Variants in TET1 observed in about 807,000 individuals in gnomAD.
TET1 encodes methylcytosine dioxygenase TET1.
A neutral mutation model predicts 148.7 loss-of-function variants in TET1; 13 were observed. The ratio of observed to expected loss-of-function variants is 0.09; its 90% CI spans 0.06 to 0.14. TET1 has a LOEUF of 0.14. Among genes scored for constraint, TET1 ranks in the 10% least tolerant of loss-of-function variants. The probability of loss-of-function intolerance (pLI) is 1.00; values close to 1 mark genes in which losing one functional copy is unlikely to be tolerated. For synonymous variants in TET1, 907 were observed against 937.2 expected (o/e 0.97, Z 0.59); for missense variants, 2,182 against 2,553.8 (o/e 0.85, Z 3.14).
At position 68,646,680 on chromosome 10, in the gene TET1, C is replaced by T. The variant is rs1268675985; in HGVS notation, c.3951C>T (p.Asp1317=). ...GTGCTAACGTGATGGCAGGCGATGA[C>T]CAAATACGGTTTCAGCAGGTTGTTA... The part of the protein sequence containing the change: ...NQCANVMAGD[D]QIRFQQVVKE... Residue 1317 remains aspartate (D), a synonymous_variant, in exon 4 of 12, where the codon GAC becomes GAT. Coordinates refer to ENST00000373644, the MANE Select transcript of TET1 (RefSeq NM_030625.3). 6.2e-7 allele frequency: 1 copy of T among 1,614,150 alleles called. No individual in the cohort carries two copies. The highest frequency in any genetic ancestry group is 1.7e-5 in the Admixed American group (1 of 60,014).
chr10:68,620,824 G>A (rs1263010315), intron 3 of TET1, among the ~76,000 whole-genome samples: 1 of 152,086 alleles, frequency 6.6e-6, no homozygotes, highest in Non-Finnish European at 1.5e-5. Flanking sequence ...CTACATCCTG[G>A]TCAACACTTA....
chr10:68,622,656 A>G (rs763446231), intron 3 of TET1, among the ~76,000 whole-genome samples: 2 of 151,666 alleles, frequency 1.3e-5, no homozygotes, highest in African/African-American at 2.4e-5. Context: ...TCCTCTTTCA[A>G]CATAGTTTCT....
At chr10:68,580,343 CAG>C (rs2053779603) in intron 2 of TET1, among the ~76,000 whole-genome samples, 1 of 73,540 alleles carries the variant, frequency 1.4e-5, no homozygotes, top group Non-Finnish European at 2.5e-5. Flanking sequence ...TTTTTTGAGA[CAG>C]AGTCTTGCTC....
chr10:68,601,135 C>T (rs1228663188), intron 3 of TET1, 101 bp downstream of exon 3: 1 of 1,025,478 alleles, frequency 9.8e-7, no homozygotes, highest in Non-Finnish European at 1.4e-6. Context: ...GTGAATTCTC[C>T]CAGATTTTCA....
At chr10:68,671,583 G>C (rs531310705) in intron 7 of TET1, among the ~76,000 whole-genome samples, 1 of 151,676 alleles carries the variant, frequency 6.6e-6, no homozygotes, top group East Asian at 1.9e-4. Flanking sequence ...GATTGGAAGA[G>C]CATACAGTTT....
chr10:68,563,568 G>T (rs1211961099), intron 1 of TET1, among the ~76,000 whole-genome samples: 1 of 152,202 alleles, frequency 6.6e-6, no homozygotes, highest in Non-Finnish European at 1.5e-5. Flanking sequence ...TAACATGCAG[G>T]CTGGATTGTT....
chr10:68,635,723 G>T (rs546066342), intron 3 of TET1, among the ~76,000 whole-genome samples: 2 of 152,320 alleles, frequency 1.3e-5, no homozygotes, highest in African/African-American at 2.4e-5. Flanking sequence ...GGGCAAGGTG[G>T]CATATGCCTG....
At chr10:68,625,641 T>C (rs1016320908) in intron 3 of TET1, among the ~76,000 whole-genome samples, 5 of 152,214 alleles carry the variant, frequency 3.3e-5, no homozygotes, top group Non-Finnish European at 7.3e-5. Flanking sequence ...CACTCAGCTG[T>C]GTTGGTCTTT....
rs763054027 is a variant in TET1 at position 68,672,991 on chromosome 10, T to C, written c.4770T>C (p.Phe1590=). The C allele has an allele frequency of 1.2e-6, 2 of 1,612,684 alleles. No individual in the cohort carries two copies. Among genetic ancestry groups the C allele is most frequent in the East Asian group, 4.5e-5 (2 of 44,824 alleles). ...SWSMYFNGCK[F]GRSPSPRRFR... is the part of the protein sequence containing the mutation. ...GTATGTACTTTAATGGCTGTAAGTT[T>C]GGTAGAAGCCCAAGCCCCAGAAGAT... is the stretch of plus-strand genomic sequence containing the variant. The change falls in exon 8 of 12, where the codon TTT becomes TTC. Residue 1590 remains phenylalanine, a synonymous_variant. Coordinates refer to ENST00000373644, the MANE Select transcript of TET1 (RefSeq NM_030625.3).
chr10:68,610,023 C>T (rs541811260), intron 3 of TET1, among the ~76,000 whole-genome samples: 1 of 152,176 alleles, frequency 6.6e-6, no homozygotes, highest in African/African-American at 2.4e-5. Flanking sequence ...GTGGCTCACC[C>T]TTATAATCAC....
chr10:68,586,485 G>GTTTTTTTTTTTTTTTTTTTTTTT (rs11437924), intron 2 of TET1, among the ~76,000 whole-genome samples: 1 of 133,498 alleles, frequency 7.5e-6, no homozygotes, highest in Non-Finnish European at 1.6e-5. Flanking sequence ...GCCAGCTAAC[G>GTTTTTTTTTTTTTTTTTTTTTTT]TTTTTTTTTT....
At chr10:68,675,087 CT>C in intron 8 of TET1, 1 of 579,028 alleles carries the variant, frequency 1.7e-6, no homozygotes, top group South Asian at 1.9e-5. Flanking sequence ...ATATGAACCA[CT>C]AGTCCAAGAA....
intron 2 of TET1, among the ~76,000 whole-genome samples, chr10:68,593,851 C>T (rs189018562): frequency 0.01 from 1,537 of 149,246 alleles, 33 homozygotes; most frequent in African/African-American, 0.036. Flanking sequence ...TGACCTCAGG[C>T]GATCCACCTG....
chr10:68,560,885 G>A (rs1056928707), intron 1 of TET1, 143 bp downstream of exon 1: 1 of 152,436 alleles, frequency 6.6e-6, no homozygotes, highest in African/African-American at 2.4e-5. Context: ...GCTGCCTCAG[G>A]GGTGGGCTCG....
intron 2 of TET1, among the ~76,000 whole-genome samples, chr10:68,596,142 G>A (rs931625634): frequency 6.7e-6 from 1 of 149,170 alleles, no homozygotes; most frequent in African/African-American, 2.5e-5. Flanking sequence ...GGGTTCAAGC[G>A]ATTCTCCTGC....
At chr10:68,616,530 A>G (rs1002688435) in intron 3 of TET1, among the ~76,000 whole-genome samples, 1 of 151,892 alleles carries the variant, frequency 6.6e-6, no homozygotes, top group African/African-American at 2.4e-5. Context: ...TAATTAAGCA[A>G]TCTTTTGAGA....
intron 3 of TET1, among the ~76,000 whole-genome samples, chr10:68,624,189 C>T (rs968273443): frequency 3.3e-5 from 5 of 151,810 alleles, no homozygotes; most frequent in African/African-American, 4.8e-5. Context: ...TTCCCCATCC[C>T]GGGTTCAAGC....
intron 2 of TET1, among the ~76,000 whole-genome samples, chr10:68,582,308 A>G (rs1296873736): frequency 2.0e-5 from 3 of 152,120 alleles, no homozygotes; most frequent in Non-Finnish European, 4.4e-5. Context: ...CATGTTGGTC[A>G]GGCTGGTCTT....
At chr10:68,669,563 C>A (rs1041532467) in intron 7 of TET1, among the ~76,000 whole-genome samples, 1 of 146,484 alleles carries the variant, frequency 6.8e-6, no homozygotes, top group Non-Finnish European at 1.5e-5. Context: ...ACCATGTTAG[C>A]CAGGATGGTC....
Sources: gnomAD v4.1 joint callset for allele counts (sites outside exome capture counted in the v4.1 genomes callset) on GRCh38, gnomAD v4.1.1 for gene constraint, MANE v1.5 for transcripts, NCBI Gene and HGNC (gene_info 2026-07-23, HGNC 2026-07-21) for gene names.